The following IQSEC3 variants were observed in gnomAD, a reference collection of about 807,000 sequenced individuals.
The protein encoded by IQSEC3 is IQ motif and Sec7 domain ArfGEF 3.
Under a neutral mutation model 105.4 loss-of-function variants are expected in IQSEC3, and 50 were observed. The ratio of observed to expected loss-of-function variants is 0.47; its 90% CI spans 0.38 to 0.60. The LOEUF (loss-of-function observed/expected upper bound fraction) is 0.60, where lower values mean the gene tolerates loss of function less well. Ranked by LOEUF, IQSEC3 falls within the 20% of genes least tolerant of loss-of-function variation. IQSEC3 has a pLI of 0.00. For missense variants in IQSEC3, 1,415 were observed against 1,630.0 expected (o/e 0.87, Z 2.27); for synonymous variants, 708 against 746.0 (o/e 0.95, Z 0.83).
In IQSEC3 at chr12:138,973, C is replaced by T. The variant is rs781992968; in HGVS notation, c.1610C>T (p.Ala537Val). The T allele has an allele frequency of 1.2e-5, 19 of 1,539,006 alleles. 1 individual carries two copies. The highest frequency in any genetic ancestry group is 3.5e-4 in the Middle Eastern group (2 of 5,794). The stretch of plus-strand genomic sequence containing the variant: ...CAGGGCGAGACCTCTGGGCGGGAGG[C>T]CCCGGAAGCCCCCGCCGTGGGCCGG... ...AEQGETSGRE[A>V]PEAPAVGRED... Residue 537 changes from alanine to valine, a missense_variant, in exon 4 of 14, where the codon GCC (alanine) becomes GTC (valine). Physicochemically the swap from Ala to Val is moderately conservative, Grantham distance 64. Coordinates refer to ENST00000538872, the MANE Select transcript of IQSEC3 (RefSeq NM_001170738.2). This position sits in a 1 kb window ranked among gnomAD's most constrained non-coding sequence, Gnocchi z 7.1.
At chr12:95,205 G>A (rs1260796385) in intron 1 of IQSEC3, among the ~76,000 whole-genome samples, 1 of 152,170 alleles carries the variant, frequency 6.6e-6, no homozygotes, top group East Asian at 1.9e-4. Flanking sequence ...AACCACTGTA[G>A]GTAAATGACT....
intron 6 of IQSEC3, 122 bp from the exon 7 acceptor site, chr12:157,406 G>T: frequency 1.7e-6 from 2 of 1,199,542 alleles, no homozygotes; most frequent in Non-Finnish European, 2.3e-6. Flanking sequence ...ACAGACACTG[G>T]TCTCCCTGGA....
intron 5 of IQSEC3, among the ~76,000 whole-genome samples, chr12:156,435 C>T (rs1400809899): frequency 2.0e-5 from 3 of 151,664 alleles, no homozygotes; most frequent in Admixed American, 1.3e-4. Context: ...CCTCCCATCA[C>T]AGCCTCCCCT....
intron 5 of IQSEC3, among the ~76,000 whole-genome samples, chr12:142,994 C>T (rs782021815): frequency 1.4e-4 from 22 of 152,212 alleles, no homozygotes; most frequent in Non-Finnish European, 2.5e-4. Flanking sequence ...CTGTTTTCTT[C>T]TGTCTTTCCC....
rs545890924 is a variant in IQSEC3 at position 125,793 on chromosome 12, G to T, written c.784G>T (p.Ala262Ser). 7.1e-5 allele frequency: 108 copies of T among 1,522,308 alleles called. No individual in the cohort carries two copies. In the South Asian group the frequency reaches 1.3e-3, roughly 18 times the overall value. 94.3% of individuals were successfully genotyped at this position (1,522,308 alleles called of 1,614,324 possible). ...GGGGGCAGGGGCTGCCTCCCCAAGG[G>T]CTGGCCCCCAGCACAAGGCCTCCCC... ...RPGAGAASPR[A>S]GPQHKASPGR... Residue 262 changes from alanine (A) to serine (S), a missense_variant, in exon 3 of 14, where the codon GCT becomes TCT. Physicochemically the swap from Ala to Ser is moderately conservative, Grantham distance 99 (BLOSUM62 1). This residue lies in a region of IQSEC3 where 720 missense variants were observed against 633.0 expected (regional missense o/e 1.14). Coordinates refer to ENST00000538872, the MANE Select transcript of IQSEC3 (RefSeq NM_001170738.2).
chr12:160,056 C>A (rs1866830314), intron 7 of IQSEC3, among the ~76,000 whole-genome samples: 1 of 151,850 alleles, frequency 6.6e-6, no homozygotes, highest in African/African-American at 2.4e-5. Flanking sequence ...TCTTTTATAG[C>A]ATTTTATTCT....
intron 1 of IQSEC3, among the ~76,000 whole-genome samples, chr12:73,222 C>T (rs1348542555): frequency 6.6e-6 from 1 of 152,166 alleles, no homozygotes; most frequent in African/African-American, 2.4e-5. Flanking sequence ...TTTGGGCAAG[C>T]ACGCCTGGGG....
chr12:136,443 C>T (rs192999696), intron 3 of IQSEC3, among the ~76,000 whole-genome samples: 8 of 152,280 alleles, frequency 5.3e-5, no homozygotes, highest in East Asian at 3.9e-4. Context: ...GCAGAGGGCA[C>T]GGCTGGGCTG....
At chr12:141,311 C>G (rs781800535) in intron 5 of IQSEC3, 26 bp downstream of exon 5, 56 of 1,599,364 alleles carry the variant, frequency 3.5e-5, no homozygotes, top group Non-Finnish European at 4.6e-5. Context: ...TCCGGGCTTT[C>G]CCCACTCCTT....
chr12:100,208 C>T (rs1339131604), intron 2 of IQSEC3, among the ~76,000 whole-genome samples: 5 of 152,168 alleles, frequency 3.3e-5, no homozygotes, highest in African/African-American at 1.2e-4. Flanking sequence ...CGTCGAGTCT[C>T]TGAGCTGCTC....
intron 4 of IQSEC3, 78 bp from the exon 5 acceptor site, chr12:141,046 T>C: frequency 1.4e-6 from 2 of 1,424,416 alleles, no homozygotes; most frequent in African/African-American, 1.4e-5. Flanking sequence ...GGTACTTCTA[T>C]GGGTGGAAGA....
chr12:107,157 A>C (rs1864683029), intron 2 of IQSEC3, among the ~76,000 whole-genome samples: 1 of 152,216 alleles, frequency 6.6e-6, no homozygotes. Context: ...CCTCAAGTTA[A>C]AGTGGCTCCC....
At chr12:170,003 C>T (rs1555099797) in intron 12 of IQSEC3, among the ~76,000 whole-genome samples, 2 of 152,344 alleles carry the variant, frequency 1.3e-5, no homozygotes, top group African/African-American at 4.8e-5. Context: ...GTCCATGACC[C>T]GCCACAGTCG....
At position 138,532 on chromosome 12, in the gene IQSEC3, C is replaced by T. The variant is rs782074093; in HGVS notation, c.1169C>T (p.Thr390Ile). Residue 390 changes from threonine to isoleucine, a missense_variant, in exon 4 of 14, where the codon ACC (threonine) becomes ATC (isoleucine). Transcript: ENST00000538872. The surrounding 1 kb of genome is among the most constrained non-coding windows in gnomAD (Gnocchi z 7.1). ...GTGCGCTCGCCCTCCCTGCCGCCCACCTTCGCAGGCACCCTCACCGAGCTG... is the reference window on the plus strand; with the variant it reads ...GTGCGCTCGCCCTCCCTGCCGCCCATCTTCGCAGGCACCCTCACCGAGCTG... ...PLVRSPSLPP[T>I]FAGTLTELED... 5 of 1,578,724 alleles carry T rather than the reference C, an allele frequency of 3.2e-6. No homozygotes were observed. In the South Asian group the frequency reaches 5.7e-5, roughly 18 times the overall value.
chr12:134,441 G>A (rs1488141724), intron 3 of IQSEC3, among the ~76,000 whole-genome samples: 2 of 152,268 alleles, frequency 1.3e-5, no homozygotes, highest in African/African-American at 2.4e-5. Context: ...CAAGCAGGAT[G>A]ATACCATGCC....
intron 8 of IQSEC3, 145 bp downstream of exon 8, chr12:162,210 C>A: frequency 2.4e-6 from 2 of 827,954 alleles, no homozygotes; most frequent in Non-Finnish European, 3.6e-6. Flanking sequence ...GTGTGCCAGA[C>A]ACTGCATCTC....
At position 138,258 on chromosome 12, in the gene IQSEC3, T is replaced by C; in HGVS notation, c.904-9T>C. On this transcript the variant is annotated splice_polypyrimidine_tract_variant and intron_variant, in intron 3 of 13. Coordinates refer to ENST00000538872, the MANE Select transcript of IQSEC3 (RefSeq NM_001170738.2). This position sits in a 1 kb window ranked among gnomAD's most constrained non-coding sequence, Gnocchi z 7.1. ...GAGCCCTTCCTCCTCTCTGTCCTCG[T>C]CCTTGCAGATTGAAATGCTAGAACA... is the stretch of plus-strand genomic sequence containing the variant. The C allele has an allele frequency of 6.2e-7, 1 of 1,606,374 alleles. No individual in the cohort carries two copies. Among genetic ancestry groups the C allele is most frequent in the Non-Finnish European group, 8.5e-7 (1 of 1,174,886 alleles).
rs1340444129 is a variant in IQSEC3 at position 169,188 on chromosome 12, G to A, written c.3064+83G>A. ...GGTGTGGGTCCTGGGCAATCTGCAG[G>A]GAGAGGTGCCCATTCCCGTGGCGTG... On this transcript the variant is annotated intron_variant, in intron 12 of 13. Coordinates refer to ENST00000538872, the MANE Select transcript of IQSEC3 (RefSeq NM_001170738.2). 1.1e-5 allele frequency: 12 copies of A among 1,110,816 alleles called. No homozygotes were observed. The Admixed American group carries it at 1.3e-4, about 12-fold the overall frequency. 68.8% of individuals were successfully genotyped at this position (1,110,816 alleles called of 1,614,324 possible).
intron 11 of IQSEC3, 46 bp from the exon 12 acceptor site, chr12:168,967 G>A (rs1555099371): frequency 1.3e-6 from 2 of 1,530,426 alleles, no homozygotes; most frequent in Admixed American, 1.7e-5. Context: ...CCTCTGTGTG[G>A]TTGAGGTTAA....
Sources: gnomAD v4.1 joint callset for allele counts (sites outside exome capture counted in the v4.1 genomes callset) on GRCh38, gnomAD v4.1.1 for gene constraint, gnomAD v4.1.1 regional missense constraint, Gnocchi (gnomAD v3.1) non-coding constraint, MANE v1.5 for transcripts, NCBI Gene and HGNC (gene_info 2026-07-23, HGNC 2026-07-21) for gene names.